PARD3B: variants seen among roughly 807,000 people sequenced by gnomAD.
The protein encoded by PARD3B is partitioning defective 3 homolog B.
Under a neutral mutation model 130.2 loss-of-function variants are expected in PARD3B, and 103 were observed. That is an observed-to-expected ratio of 0.79 (90% CI 0.67 to 0.93). The LOEUF is 0.93. Ranked by LOEUF, PARD3B falls within the 40% of genes least tolerant of loss-of-function variation. The pLI, the probability that PARD3B is intolerant of heterozygous loss-of-function variation, is 0.00. For synonymous variants in PARD3B, 583 were observed against 553.2 expected (o/e 1.05, Z -0.76); for missense variants, 1,609 against 1,499.2 (o/e 1.07, Z -1.21).
intron 16 of PARD3B, among the ~76,000 whole-genome samples, chr2:205,255,998 G>C (rs528655946): frequency 1.3e-5 from 2 of 152,168 alleles, no homozygotes; most frequent in African/African-American, 4.8e-5. Context: ...TGATTCCCTT[G>C]GCAGGCAGCC....
At chr2:204,965,367 C>G in intron 3 of PARD3B, 44 bp downstream of exon 3, 1 of 1,569,838 alleles carries the variant, frequency 6.4e-7, no homozygotes, top group Non-Finnish European at 8.7e-7. Context: ...GACTGAAGAT[C>G]CGTCATCTTG....
At chr2:205,179,037 A>T (rs181060154) in intron 13 of PARD3B, among the ~76,000 whole-genome samples, 1 of 152,296 alleles carries the variant, frequency 6.6e-6, no homozygotes, top group East Asian at 1.9e-4. Context: ...GTGGGATAAG[A>T]TATGAAGGGG....
At chr2:205,319,851 G>A (rs900002683) in intron 18 of PARD3B, among the ~76,000 whole-genome samples, 3 of 152,032 alleles carry the variant, frequency 2.0e-5, no homozygotes, top group African/African-American at 7.2e-5. Context: ...TTTTTCTCCT[G>A]TAGTTTTTTT....
chr2:205,047,784 T>C, intron 4 of PARD3B, 94 bp downstream of exon 4: 1 of 792,496 alleles, frequency 1.3e-6, no homozygotes, highest in Non-Finnish European at 2.1e-6. Context: ...CATTGATAAC[T>C]AGATAGAGAT....
chr2:204,789,803 A>T (rs932353663), intron 2 of PARD3B, among the ~76,000 whole-genome samples: 2 of 152,006 alleles, frequency 1.3e-5, no homozygotes, highest in Non-Finnish European at 2.9e-5. Flanking sequence ...ACATACCAAG[A>T]ACCTGTGACC....
rs200673021 is a variant in PARD3B, at chr2:205,300,647, G to A, written c.2303G>A (p.Arg768Gln). 234 of 1,613,926 alleles carry A rather than the reference G, an allele frequency of 1.4e-4. 1 individual carries two copies. In the African/African-American group the frequency reaches 2.3e-3, roughly 16 times the overall value. ...AATGACCTTCCCTTTCACAGGCCCC[G>A]GCCGCACATGGTTCGAGGCCGAGGC... is the stretch of plus-strand genomic sequence containing the variant. The part of the protein sequence containing the change: ...RKNDLPFHRP[R>Q]PHMVRGRGCN... The change falls in exon 17 of 23, where the codon CGG becomes CAG. Residue 768 changes from arginine to glutamine, a missense_variant. Coordinates refer to ENST00000406610, the MANE Select transcript of PARD3B (RefSeq NM_001302769.2). The surrounding 1 kb of genome is among the most constrained non-coding windows in gnomAD (Gnocchi z 4.1).
chr2:205,326,252 G>A (rs1163240740), intron 18 of PARD3B, among the ~76,000 whole-genome samples: 1 of 152,192 alleles, frequency 6.6e-6, no homozygotes, highest in Non-Finnish European at 1.5e-5. Flanking sequence ...AAAGCAGGAA[G>A]CAGTGACACC....
Position 205,069,801 on chromosome 2 carries a change from G to A in PARD3B, c.504+22111G>A, listed in dbSNP as rs144208038. Among the ~76,000 whole-genome samples the A allele has an allele frequency of 6.3e-4, 96 of 152,116 alleles. 3 individuals are homozygous for A. In the East Asian group the frequency reaches 0.013, roughly 21 times the overall value. On this transcript the variant is annotated intron_variant, in intron 4 of 22. Transcript: ENST00000406610. The stretch of plus-strand genomic sequence containing the variant: ...GCAGCAGGCATAGTAAATTTCCACC[G>A]TCCCAAAGATTTCCAGGTGTGAGGC...
chr2:204,567,533 T>A (rs963012228), intron 1 of PARD3B, among the ~76,000 whole-genome samples: 1 of 152,262 alleles, frequency 6.6e-6, no homozygotes, highest in African/African-American at 2.4e-5. Flanking sequence ...TGTTGTATCA[T>A]GTTTCAGAAT....
At chr2:205,404,571 A>C (rs1389941480) in intron 19 of PARD3B, among the ~76,000 whole-genome samples, 1 of 152,174 alleles carries the variant, frequency 6.6e-6, no homozygotes, top group Non-Finnish European at 1.5e-5. Flanking sequence ...GTTTTAAAAT[A>C]TGTCATGTTG....
At chr2:204,833,885 A>G (rs933395598) in intron 2 of PARD3B, among the ~76,000 whole-genome samples, 1 of 152,150 alleles carries the variant, frequency 6.6e-6, no homozygotes, top group African/African-American at 2.4e-5. Context: ...GTGACCCACA[A>G]GCCCGGAGTG....
intron 4 of PARD3B, among the ~76,000 whole-genome samples, chr2:205,102,652 C>G (rs1160388532): frequency 6.6e-6 from 1 of 152,136 alleles, no homozygotes; most frequent in Non-Finnish European, 1.5e-5. Flanking sequence ...CCAAGTGTTT[C>G]ACAAAACTAC....
At chr2:205,047,716 T>C in intron 4 of PARD3B, 26 bp downstream of exon 4, 1 of 1,472,546 alleles carries the variant, frequency 6.8e-7, no homozygotes, top group African/African-American at 1.4e-5. Context: ...CTTGTAGTTC[T>C]AATGAAAGAT....
intron 2 of PARD3B, among the ~76,000 whole-genome samples, chr2:204,947,572 TCCCTC>T (rs1689434865): frequency 1.2e-5 from 1 of 86,306 alleles, no homozygotes; most frequent in South Asian, 4.2e-4. Flanking sequence ...CTCCCTCCCC[TCCCTC>T]TCTTAGCCTT....
chr2:204,990,697 C>T (rs2125239800), intron 3 of PARD3B, among the ~76,000 whole-genome samples: 1 of 152,088 alleles, frequency 6.6e-6, no homozygotes, highest in East Asian at 1.9e-4. Context: ...TCTTCTCTTC[C>T]TGTATGTTTT....
intron 7 of PARD3B, among the ~76,000 whole-genome samples, chr2:205,120,136 G>T (rs1260813418): frequency 6.6e-6 from 1 of 152,126 alleles, no homozygotes; most frequent in Non-Finnish European, 1.5e-5. Flanking sequence ...AACCTTAGAA[G>T]AATCTATTGT....
At chr2:204,968,739 AGG>A in intron 3 of PARD3B, among the ~76,000 whole-genome samples, 1 of 152,238 alleles carries the variant, frequency 6.6e-6, no homozygotes, top group African/African-American at 2.4e-5. Flanking sequence ...ACAGTACAGT[AGG>A]CTTACAGTAA....
At chr2:205,482,582 G>A (rs2049281715) in intron 20 of PARD3B, 1 of 152,378 alleles carries the variant, frequency 6.6e-6, no homozygotes, top group Admixed American at 6.6e-5. Context: ...GAGAGAAGGA[G>A]GAACAACATC....
chr2:205,086,447 G>T (rs561862740), intron 4 of PARD3B, among the ~76,000 whole-genome samples: 1 of 152,262 alleles, frequency 6.6e-6, no homozygotes, highest in African/African-American at 2.4e-5. Flanking sequence ...AGGTCTCTTT[G>T]TATTTCCTAA....
Sources: gnomAD v4.1 joint callset for allele counts (sites outside exome capture counted in the v4.1 genomes callset) on GRCh38, gnomAD v4.1.1 for gene constraint, Gnocchi (gnomAD v3.1) non-coding constraint, MANE v1.5 for transcripts, NCBI Gene and HGNC (gene_info 2026-07-23, HGNC 2026-07-21) for gene names.